The following RAPGEF5 variants were observed in gnomAD, a reference collection of about 807,000 sequenced individuals.
The protein encoded by RAPGEF5 is Rap guanine nucleotide exchange factor 5, also known as M-Ras-regulated GEF.
A neutral mutation model predicts 125.2 loss-of-function variants in RAPGEF5; 65 were observed. That is an observed-to-expected ratio of 0.52 (90% CI 0.43 to 0.64). The LOEUF is 0.64. Among genes scored for constraint, RAPGEF5 ranks in the 30% least tolerant of loss-of-function variants. RAPGEF5 has a pLI of 0.00. For missense variants in RAPGEF5, 958 were observed against 1,048.1 expected, an observed-to-expected ratio of 0.91 and a Z score of 1.19; for synonymous variants, 391 against 385.9, an observed-to-expected ratio of 1.01 and a Z score of -0.16.
At chr7:22,260,175 A>G (rs1782115774) in intron 7 of RAPGEF5, among the ~76,000 whole-genome samples, 1 of 152,196 alleles carries the variant, frequency 6.6e-6, no homozygotes, top group Admixed American at 6.5e-5. Flanking sequence ...TAGGGCAGTA[A>G]AACTACTCTG....
intron 14 of RAPGEF5, among the ~76,000 whole-genome samples, chr7:22,160,312 C>T (rs1783946440): frequency 6.6e-6 from 1 of 152,072 alleles, no homozygotes; most frequent in African/African-American, 2.4e-5. Flanking sequence ...AGGGTTAAAA[C>T]AATAGTCAAT....
intron 9 of RAPGEF5, among the ~76,000 whole-genome samples, chr7:22,219,585 C>T (rs1267282561): frequency 6.6e-6 from 1 of 151,736 alleles, no homozygotes; most frequent in Non-Finnish European, 1.5e-5. Flanking sequence ...GCCACCCAAG[C>T]AGGATCATAA....
chr7:22,214,242 C>T (rs1450365691), intron 9 of RAPGEF5, among the ~76,000 whole-genome samples: 1 of 152,116 alleles, frequency 6.6e-6, no homozygotes, highest in South Asian at 2.1e-4. Flanking sequence ...CCCACCCATC[C>T]ATATTTCATG....
intron 1 of RAPGEF5, among the ~76,000 whole-genome samples, chr7:22,328,568 C>T (rs549421920): frequency 1.7e-4 from 26 of 152,326 alleles, no homozygotes; most frequent in South Asian, 6.2e-4. Context: ...TGACACTAAA[C>T]GTATACTATA....
chr7:22,247,504 C>T (rs763196135), intron 7 of RAPGEF5, among the ~76,000 whole-genome samples: 2 of 152,046 alleles, frequency 1.3e-5, no homozygotes, highest in Non-Finnish European at 2.9e-5. Context: ...GGGCAGTTCC[C>T]ACACACACTC....
intron 1 of RAPGEF5, among the ~76,000 whole-genome samples, chr7:22,319,913 G>C (rs1340928609): frequency 1.3e-5 from 2 of 151,254 alleles, no homozygotes; most frequent in Non-Finnish European, 2.9e-5. Context: ...TTGCCTTCCT[G>C]GCCATTGCCA....
At chr7:22,130,342 C>T (rs1782876002) in intron 24 of RAPGEF5, among the ~76,000 whole-genome samples, 1 of 152,108 alleles carries the variant, frequency 6.6e-6, no homozygotes, top group Non-Finnish European at 1.5e-5. Flanking sequence ...TTGGAGGGGC[C>T]CACTGTATTA....
At chr7:22,290,561 C>T (rs903603551) in intron 6 of RAPGEF5, among the ~76,000 whole-genome samples, 5 of 151,890 alleles carry the variant, frequency 3.3e-5, no homozygotes, top group African/African-American at 7.3e-5. Flanking sequence ...CCGGCTAAAA[C>T]GGTGAAACCC....
chr7:22,151,458 CTTTTTTTTTT>C (rs10609080), intron 17 of RAPGEF5, among the ~76,000 whole-genome samples: 3 of 109,932 alleles, frequency 2.7e-5, no homozygotes, highest in Non-Finnish European at 3.6e-5. Flanking sequence ...CTGATCATTA[CTTTTTTTTTT>C]TTTTTTTTTT....
intron 8 of RAPGEF5, among the ~76,000 whole-genome samples, chr7:22,222,310 T>C (rs184955907): frequency 8.4e-4 from 128 of 152,108 alleles, no homozygotes; most frequent in Middle Eastern, 3.4e-3. Flanking sequence ...CAATAGGAAA[T>C]ACAGAGTGGT....
At chr7:22,301,065 C>G (rs1783186911) in intron 5 of RAPGEF5, among the ~76,000 whole-genome samples, 1 of 151,762 alleles carries the variant, frequency 6.6e-6, no homozygotes, top group East Asian at 1.9e-4. Flanking sequence ...TCCAAAGTTT[C>G]ACTTCGTTCC....
chr7:22,283,172 T>C (rs1009234528), intron 6 of RAPGEF5, among the ~76,000 whole-genome samples: 5 of 152,108 alleles, frequency 3.3e-5, no homozygotes, highest in African/African-American at 4.8e-5. Context: ...AGTCTTTATA[T>C]TCAAGTTAAA....
rs552923177 is a variant in RAPGEF5 at position 22,221,117 on chromosome 7, G to A, written c.871-1126C>T. On this transcript the variant is annotated intron_variant, in intron 8 of 25. Coordinates refer to ENST00000665637, the MANE Select transcript of RAPGEF5 (RefSeq NM_012294.5). ...AGGAAGGAAATAAAAAATTTCTGAC[G>A]TGGCCCACATCACAGACTCCTAGAG... Among the ~76,000 whole-genome samples the A allele has an allele frequency of 3.3e-4, 51 of 152,268 alleles. No individual in the cohort carries two copies. In the South Asian group the frequency reaches 7.3e-3, roughly 22 times the overall value.
At chr7:22,265,032 TA>T (rs1458993478) in intron 7 of RAPGEF5, among the ~76,000 whole-genome samples, 9 of 152,208 alleles carry the variant, frequency 5.9e-5, no homozygotes, top group Non-Finnish European at 1.0e-4. Flanking sequence ...TGGTACATGA[TA>T]TTTTAATACA....
chr7:22,235,370 G>A (rs115055588), intron 7 of RAPGEF5, among the ~76,000 whole-genome samples: 4 of 152,334 alleles, frequency 2.6e-5, no homozygotes, highest in Non-Finnish European at 4.4e-5. Context: ...TAAAATGTAC[G>A]TGTCGGTGAC....
intron 1 of RAPGEF5, among the ~76,000 whole-genome samples, chr7:22,326,107 A>G (rs1038298397): frequency 6.6e-5 from 10 of 152,108 alleles, no homozygotes; most frequent in Non-Finnish European, 1.2e-4. Context: ...GTGTCTTTTC[A>G]ATTTGTACAT....
At chr7:22,169,975 C>T (rs1162614216) in intron 11 of RAPGEF5, among the ~76,000 whole-genome samples, 2 of 149,534 alleles carry the variant, frequency 1.3e-5, no homozygotes, top group Admixed American at 1.3e-4. Context: ...TATGCCACTG[C>T]ACTTTAGCCT....
chr7:22,178,510 C>A (rs112388810), intron 11 of RAPGEF5, among the ~76,000 whole-genome samples: 3 of 152,174 alleles, frequency 2.0e-5, no homozygotes, highest in Admixed American at 6.5e-5. Context: ...CCACCCTCTG[C>A]GGTCTGACAA....
At chr7:22,143,836 G>A (rs1783342792) in intron 20 of RAPGEF5, among the ~76,000 whole-genome samples, 1 of 152,226 alleles carries the variant, frequency 6.6e-6, no homozygotes, top group South Asian at 2.1e-4. Context: ...CTGAGGTATA[G>A]AATTACCCAC....
Sources: allele counts gnomAD v4.1 joint callset (sites outside exome capture counted in the v4.1 genomes callset), GRCh38; gene constraint gnomAD v4.1.1; transcripts MANE v1.5; gene names NCBI Gene and HGNC (gene_info 2026-07-23, HGNC 2026-07-21).